PDZRN4: variants seen among roughly 807,000 people sequenced by gnomAD.
PDZRN4 encodes PDZ domain-containing RING finger protein 4.
Under a neutral mutation model 99.0 loss-of-function variants are expected in PDZRN4, and 70 were observed. That is an observed-to-expected ratio of 0.71 (90% CI 0.58 to 0.86). The LOEUF is 0.86. Among genes scored for constraint, PDZRN4 ranks in the 40% least tolerant of loss-of-function variants. The probability of loss-of-function intolerance (pLI) is 0.00; values close to 1 mark genes in which losing one functional copy is unlikely to be tolerated. For missense variants in PDZRN4, 1,474 were observed against 1,331.2 expected, an observed-to-expected ratio of 1.11 and a Z score of -1.67; for synonymous variants, 551 against 501.6, an observed-to-expected ratio of 1.10 and a Z score of -1.32.
chr12:41,339,346 A>G (rs1305607322), intron 3 of PDZRN4, among the ~76,000 whole-genome samples: 5 of 152,110 alleles, frequency 3.3e-5, no homozygotes, highest in African/African-American at 1.2e-4. Flanking sequence ...TTTTCACTAA[A>G]TGGTGCTGGG....
At chr12:41,326,934 A>G (rs1951712749) in intron 3 of PDZRN4, among the ~76,000 whole-genome samples, 1 of 152,194 alleles carries the variant, frequency 6.6e-6, no homozygotes, top group Admixed American at 6.5e-5. Flanking sequence ...AGGAAATAAT[A>G]CTGAATGACA....
At chr12:41,465,951 G>T (rs541503220) in intron 3 of PDZRN4, among the ~76,000 whole-genome samples, 1 of 151,956 alleles carries the variant, frequency 6.6e-6, no homozygotes, top group Admixed American at 6.5e-5. Context: ...TGTATTGTTT[G>T]CTTCCTTGTC....
At chr12:41,299,330 T>C (rs1483859452) in intron 3 of PDZRN4, among the ~76,000 whole-genome samples, 1 of 152,150 alleles carries the variant, frequency 6.6e-6, no homozygotes, top group Non-Finnish European at 1.5e-5. Flanking sequence ...GGACACTCTT[T>C]CTCAATGAGT....
chr12:41,482,248 C>T (rs1004721008), intron 3 of PDZRN4, among the ~76,000 whole-genome samples: 1 of 152,168 alleles, frequency 6.6e-6, no homozygotes, highest in Non-Finnish European at 1.5e-5. Flanking sequence ...CTTGTCATCT[C>T]TCTCTGATAT....
intron 3 of PDZRN4, among the ~76,000 whole-genome samples, chr12:41,378,149 A>T (rs1422974865): frequency 6.6e-6 from 1 of 152,162 alleles, no homozygotes; most frequent in Non-Finnish European, 1.5e-5. Flanking sequence ...ATGTACATTC[A>T]TTCTATACCC....
chr12:41,398,800 C>T (rs1952269170), intron 3 of PDZRN4, among the ~76,000 whole-genome samples: 1 of 151,990 alleles, frequency 6.6e-6, no homozygotes, highest in Non-Finnish European at 1.5e-5. Context: ...GTTTTTATTC[C>T]AGAAATTACA....
chr12:41,205,547 G>A (rs1487150928), intron 3 of PDZRN4, among the ~76,000 whole-genome samples: 2 of 151,734 alleles, frequency 1.3e-5, no homozygotes, highest in Non-Finnish European at 2.9e-5. Context: ...CCCGTCTCAA[G>A]GACTTCTCAC....
chr12:41,483,444 A>G (rs1937715122), intron 3 of PDZRN4, among the ~76,000 whole-genome samples: 1 of 152,166 alleles, frequency 6.6e-6, no homozygotes, highest in Non-Finnish European at 1.5e-5. Flanking sequence ...GAGAGGAAGC[A>G]GTCAGGAAGC....
intron 3 of PDZRN4, among the ~76,000 whole-genome samples, chr12:41,242,980 G>A (rs1422317560): frequency 6.6e-6 from 1 of 152,118 alleles, no homozygotes; most frequent in Non-Finnish European, 1.5e-5. Context: ...AGTGTGTGTT[G>A]GTCCTAATGC....
intron 8 of PDZRN4, among the ~76,000 whole-genome samples, chr12:41,565,481 T>C (rs1939352116): frequency 6.6e-6 from 1 of 150,952 alleles, no homozygotes; most frequent in Admixed American, 6.6e-5. Flanking sequence ...ATATCACCCA[T>C]ATTTTTCCAT....
At chr12:41,203,993 G>A (rs2120672807) in intron 3 of PDZRN4, among the ~76,000 whole-genome samples, 1 of 152,144 alleles carries the variant, frequency 6.6e-6, no homozygotes, top group East Asian at 1.9e-4. Flanking sequence ...CTTGAGATGG[G>A]ATGCTAATGG....
At chr12:41,466,492 C>T (rs973219674) in intron 3 of PDZRN4, among the ~76,000 whole-genome samples, 1 of 152,134 alleles carries the variant, frequency 6.6e-6, no homozygotes, top group African/African-American at 2.4e-5. Flanking sequence ...TGAAAAAGAG[C>T]CCCCTGTGCC....
chr12:41,565,112 T>G (rs1014786226), intron 8 of PDZRN4, among the ~76,000 whole-genome samples: 4 of 152,128 alleles, frequency 2.6e-5, no homozygotes, highest in African/African-American at 9.7e-5. Flanking sequence ...ATATGCTGGG[T>G]AGAACCAGTG....
At chr12:41,339,389 C>T (rs986904274) in intron 3 of PDZRN4, among the ~76,000 whole-genome samples, 3 of 151,990 alleles carry the variant, frequency 2.0e-5, no homozygotes, top group African/African-American at 7.2e-5. Context: ...AAGAATAAAG[C>T]TAGACTCTTC....
At chr12:41,458,187 C>T (rs531563560) in intron 3 of PDZRN4, among the ~76,000 whole-genome samples, 21 of 152,180 alleles carry the variant, frequency 1.4e-4, no homozygotes, top group South Asian at 6.2e-4. Flanking sequence ...GATGGAGTTT[C>T]GCTCTTGTTG....
At chr12:41,454,062 A>C (rs1361241467) in intron 3 of PDZRN4, among the ~76,000 whole-genome samples, 2 of 151,458 alleles carry the variant, frequency 1.3e-5, no homozygotes, top group African/African-American at 2.4e-5. Context: ...CTGATGAGCT[A>C]TCATAATGGC....
intron 3 of PDZRN4, among the ~76,000 whole-genome samples, chr12:41,378,996 A>G (rs775364368): frequency 2.4e-4 from 37 of 152,106 alleles, no homozygotes; most frequent in Non-Finnish European, 4.1e-4. Context: ...CAAAGGTGCT[A>G]TATGGTTTGG....
chr12:41,253,849 T>G (rs1246568453), intron 3 of PDZRN4, among the ~76,000 whole-genome samples: 4 of 152,042 alleles, frequency 2.6e-5, no homozygotes, highest in African/African-American at 7.2e-5. Flanking sequence ...TAGATGAAAC[T>G]GGAGTCCATT....
chr12:41,477,104 C>T (rs1301164226), intron 3 of PDZRN4, among the ~76,000 whole-genome samples: 2 of 152,104 alleles, frequency 1.3e-5, no homozygotes, highest in African/African-American at 2.4e-5. Flanking sequence ...TCTCACCCTT[C>T]CTCTACACCT....
Sources: allele counts gnomAD v4.1 joint callset (sites outside exome capture counted in the v4.1 genomes callset), GRCh38; gene constraint gnomAD v4.1.1; transcripts MANE v1.5; gene names NCBI Gene and HGNC (gene_info 2026-07-23, HGNC 2026-07-21).